The following CTNND2 variants were observed in gnomAD, a reference collection of about 807,000 sequenced individuals.
CTNND2 encodes catenin delta 2.
Under a neutral mutation model 144.4 loss-of-function variants are expected in CTNND2, and 22 were observed. The ratio of observed to expected loss-of-function variants is 0.15; its 90% CI spans 0.11 to 0.22. CTNND2 has a LOEUF of 0.22. CTNND2 is among the 10% of genes least tolerant of loss of function. The pLI is 1.00. For missense variants in CTNND2, 1,353 were observed against 1,618.8 expected (o/e 0.84, Z 2.82); for synonymous variants, 751 against 695.6 (o/e 1.08, Z -1.25).
chr5:11,420,555 T>C (rs1762284906), intron 3 of CTNND2, among the ~76,000 whole-genome samples: 2 of 152,112 alleles, frequency 1.3e-5, no homozygotes, highest in Non-Finnish European at 2.9e-5. Context: ...TGGTGAAGAG[T>C]GATCCCCCAC....
intron 11 of CTNND2, among the ~76,000 whole-genome samples, chr5:11,174,940 C>G (rs1041611294): frequency 2.6e-5 from 4 of 152,300 alleles, no homozygotes; most frequent in African/African-American, 9.6e-5. Context: ...AACTGATAAA[C>G]TGGCTTTTCA....
chr5:11,631,825 G>C (rs1032598304), intron 2 of CTNND2, among the ~76,000 whole-genome samples: 1 of 152,134 alleles, frequency 6.6e-6, no homozygotes, highest in Non-Finnish European at 1.5e-5. Flanking sequence ...CTGGGAGGAG[G>C]AAGTTTACCA....
intron 3 of CTNND2, among the ~76,000 whole-genome samples, chr5:11,510,190 C>A (rs1771508753): frequency 6.6e-6 from 1 of 152,190 alleles, no homozygotes; most frequent in East Asian, 1.9e-4. Flanking sequence ...AATCCTCCTG[C>A]TTTGGCCTCC....
chr5:11,679,120 C>CTG (rs1784314414), intron 2 of CTNND2, among the ~76,000 whole-genome samples: 1 of 151,902 alleles, frequency 6.6e-6, no homozygotes, highest in Admixed American at 6.6e-5. Flanking sequence ...ATCCAGGAAC[C>CTG]AATCAGTGTG....
intron 11 of CTNND2, among the ~76,000 whole-genome samples, chr5:11,161,516 T>C (rs1758764798): frequency 6.6e-6 from 1 of 152,190 alleles, no homozygotes. Flanking sequence ...TGAGAAATGT[T>C]TTGCCAAAGT....
At chr5:11,656,047 T>C (rs1782897803) in intron 2 of CTNND2, among the ~76,000 whole-genome samples, 1 of 152,112 alleles carries the variant, frequency 6.6e-6, no homozygotes, top group Non-Finnish European at 1.5e-5. Flanking sequence ...GCTCTGAATA[T>C]TTCCATTCCA....
chr5:11,889,116 A>C (rs1582073007), intron 1 of CTNND2, among the ~76,000 whole-genome samples: 1 of 152,154 alleles, frequency 6.6e-6, no homozygotes, highest in South Asian at 2.1e-4. Context: ...AATCAGATGA[A>C]GGCCCCTTTT....
chr5:11,380,595 A>G (rs1404794975), intron 7 of CTNND2, among the ~76,000 whole-genome samples: 1 of 152,160 alleles, frequency 6.6e-6, no homozygotes, highest in Non-Finnish European at 1.5e-5. Context: ...AAGAAACGAA[A>G]TTTTTAAACC....
intron 3 of CTNND2, among the ~76,000 whole-genome samples, chr5:11,459,461 A>G (rs1332278240): frequency 1.3e-5 from 2 of 152,232 alleles, no homozygotes; most frequent in Non-Finnish European, 2.9e-5. Context: ...TAAATACAAT[A>G]TATTGAAAGA....
At chr5:11,621,270 T>G (rs926154208) in intron 2 of CTNND2, among the ~76,000 whole-genome samples, 1 of 152,222 alleles carries the variant, frequency 6.6e-6, no homozygotes, top group Non-Finnish European at 1.5e-5. Context: ...CTGGTAATAT[T>G]CTGGCAATGC....
In CTNND2 at chr5:11,627,888, A is replaced by G. The variant is rs547553507; in HGVS notation, c.175-62832T>C. 4.6e-5 allele frequency among the ~76,000 whole-genome samples: 7 copies of G among 150,964 alleles called. No individual in the cohort carries two copies. In the East Asian group the frequency reaches 1.4e-3, roughly 29 times the overall value. On this transcript the variant is annotated intron_variant, in intron 2 of 21. Coordinates refer to ENST00000304623, the MANE Select transcript of CTNND2 (RefSeq NM_001332.4). Reference sequence around the variant, plus strand: ...CATCAGGCATTACATTCTCATAAGGAGCGCACAACCTAGATCCCTCACATG... The same window carrying G: ...CATCAGGCATTACATTCTCATAAGGGGCGCACAACCTAGATCCCTCACATG...
At chr5:11,264,462 T>C (rs369565070) in intron 9 of CTNND2, among the ~76,000 whole-genome samples, 48 of 152,326 alleles carry the variant, frequency 3.2e-4, no homozygotes, top group African/African-American at 1.1e-3. Context: ...ATGGTTTTAC[T>C]GGGTTCACAG....
At chr5:11,011,153 T>G (rs1741036712) in intron 18 of CTNND2, among the ~76,000 whole-genome samples, 1 of 152,214 alleles carries the variant, frequency 6.6e-6, no homozygotes, top group Admixed American at 6.5e-5. Context: ...AGAGGTTGGG[T>G]CTGACGTCTG....
intron 2 of CTNND2, among the ~76,000 whole-genome samples, chr5:11,665,332 T>C (rs1783504317): frequency 6.6e-6 from 1 of 152,166 alleles, no homozygotes; most frequent in South Asian, 2.1e-4. Context: ...AGAATGCAGA[T>C]AGTGATACCT....
At chr5:11,504,470 C>T (rs1289643639) in intron 3 of CTNND2, among the ~76,000 whole-genome samples, 1 of 152,172 alleles carries the variant, frequency 6.6e-6, no homozygotes. Flanking sequence ...AGTTGAGAAT[C>T]CTCCTATGGT....
intron 20 of CTNND2, among the ~76,000 whole-genome samples, chr5:10,987,794 T>A (rs1344080767): frequency 6.8e-6 from 1 of 146,722 alleles, no homozygotes; most frequent in African/African-American, 2.5e-5. Context: ...TCGAGTCCCC[T>A]CCCCAGTGGG....
Position 10,983,933 on chromosome 5 carries a change from C to T in CTNND2, c.3344-2087G>A, listed in dbSNP as rs76095620. 3.7e-4 allele frequency among the ~76,000 whole-genome samples: 56 copies of T among 152,290 alleles called. No individual in the cohort carries two copies. The East Asian group carries it at 3.9e-3, about 11-fold the overall frequency. ...AGGAGTCCCAGCTTTGCCGACCCTC[C>T]TTCCTCAGAGCGGGCCAAACTTGTT... On this transcript the variant is annotated intron_variant, in intron 20 of 21. Transcript: ENST00000304623.
intron 16 of CTNND2, among the ~76,000 whole-genome samples, chr5:11,038,430 A>C (rs1230460979): frequency 1.3e-5 from 2 of 152,218 alleles, no homozygotes; most frequent in East Asian, 1.9e-4. Context: ...AGATGATCTG[A>C]GGTGGACACT....
intron 2 of CTNND2, among the ~76,000 whole-genome samples, chr5:11,629,526 C>T (rs192970803): frequency 6.6e-6 from 1 of 152,210 alleles, no homozygotes; most frequent in African/African-American, 2.4e-5. Context: ...TAAAAACTAC[C>T]AGCAATTGGA....
Sources: gnomAD v4.1 joint callset for allele counts (sites outside exome capture counted in the v4.1 genomes callset) on GRCh38, gnomAD v4.1.1 for gene constraint, MANE v1.5 for transcripts, NCBI Gene and HGNC (gene_info 2026-07-23, HGNC 2026-07-21) for gene names.